Variants in BANK1 observed in about 807,000 individuals in gnomAD.
The protein encoded by BANK1 is B cell scaffold protein with ankyrin repeats 1.
In BANK1, 95 loss-of-function variants were observed where a neutral mutation model predicts 94.5. The observed-to-expected ratio is 1.00, with a 90% CI of 0.85 to 1.19. The LOEUF (loss-of-function observed/expected upper bound fraction) is 1.19. Ranked by LOEUF, BANK1 falls within the 50% of genes most tolerant of loss-of-function variation. The pLI is 0.00. For synonymous variants in BANK1, 334 were observed against 308.4 expected (o/e 1.08, Z -0.87); for missense variants, 987 against 932.2 (o/e 1.06, Z -0.77).
At chr4:102,023,957 T>G (rs771512134) in intron 8 of BANK1, among the ~76,000 whole-genome samples, 4 of 152,130 alleles carry the variant, frequency 2.6e-5, no homozygotes, top group Non-Finnish European at 5.9e-5. Flanking sequence ...GATAGAAAAA[T>G]GAATGAGATC....
At chr4:101,892,231 G>A (rs1240648016) in intron 5 of BANK1, among the ~76,000 whole-genome samples, 1 of 150,602 alleles carries the variant, frequency 6.6e-6, no homozygotes, top group African/African-American at 2.4e-5. Context: ...GGAAGAAATA[G>A]TTATAATAAT....
chr4:101,827,854 C>G (rs757488975), intron 1 of BANK1, among the ~76,000 whole-genome samples: 1 of 151,550 alleles, frequency 6.6e-6, no homozygotes, highest in Non-Finnish European at 1.5e-5. Context: ...TTTTTTTATT[C>G]CTTTGCATAT....
chr4:101,907,286 A>T (rs904916994), intron 6 of BANK1, among the ~76,000 whole-genome samples: 3 of 152,250 alleles, frequency 2.0e-5, no homozygotes, highest in African/African-American at 7.2e-5. Context: ...GCATATAAAC[A>T]GAACCAAAGA....
At chr4:101,928,672 T>C (rs1723242230) in intron 7 of BANK1, among the ~76,000 whole-genome samples, 1 of 151,708 alleles carries the variant, frequency 6.6e-6, no homozygotes. Flanking sequence ...GGTAACTGCA[T>C]AGACTTATAT....
intron 1 of BANK1, among the ~76,000 whole-genome samples, chr4:101,797,901 T>C (rs1382144597): frequency 2.6e-5 from 4 of 152,112 alleles, no homozygotes; most frequent in African/African-American, 7.2e-5. Flanking sequence ...CAACAATGAA[T>C]AGGATAACAT....
At chr4:101,986,865 A>ATATATATGTATATATATG (rs1408766213) in intron 7 of BANK1, among the ~76,000 whole-genome samples, 5 of 10,978 alleles carry the variant, frequency 4.6e-4, no homozygotes, top group Admixed American at 1.4e-3. Flanking sequence ...GTATATATAT[A>ATATATATGTATATATATG]TGTGTGTATG....
At chr4:101,980,093 C>A (rs1310387672) in intron 7 of BANK1, among the ~76,000 whole-genome samples, 1 of 151,320 alleles carries the variant, frequency 6.6e-6, no homozygotes, top group Non-Finnish European at 1.5e-5. Context: ...TCTTATTTTT[C>A]TTTTGAGTTT....
intron 7 of BANK1, among the ~76,000 whole-genome samples, chr4:101,995,458 C>T (rs940590037): frequency 2.0e-5 from 3 of 152,130 alleles, no homozygotes; most frequent in Non-Finnish European, 4.4e-5. Flanking sequence ...TGGGTATATA[C>T]CCAGTAATGG....
chr4:102,052,109 T>C (rs973690622), intron 11 of BANK1, among the ~76,000 whole-genome samples: 1 of 130,260 alleles, frequency 7.7e-6, no homozygotes, highest in Non-Finnish European at 1.6e-5. Flanking sequence ...TGTGTTCTTT[T>C]TTTCTTTTTT....
chr4:102,036,509 T>C (rs949298205), intron 10 of BANK1, among the ~76,000 whole-genome samples: 19 of 152,198 alleles, frequency 1.2e-4, no homozygotes, highest in African/African-American at 4.3e-4. Context: ...GGTGACCTTG[T>C]CCAAACCATT....
Position 101,875,620 on chromosome 4 carries a change from C to A in BANK1, c.903+4976C>A, listed in dbSNP as rs557187965. Among the ~76,000 whole-genome samples, 9 of 152,180 alleles carry A rather than the reference C, an allele frequency of 5.9e-5. No homozygotes were observed. The South Asian group carries it at 1.9e-3, about 32-fold the overall frequency. On this transcript the variant is annotated intron_variant, in intron 5 of 16. Coordinates refer to ENST00000322953, the MANE Select transcript of BANK1 (RefSeq NM_017935.5). ...CAATCACCTCCCACCAGGGTCCCCC[C>A]CTAGATACATGGGGATTACAATTCA...
intron 9 of BANK1, 110 bp downstream of exon 9, chr4:102,025,619 A>G (rs1446228585): frequency 2.0e-6 from 2 of 978,198 alleles, no homozygotes; most frequent in African/African-American, 3.3e-5. Flanking sequence ...AGCTTTTGAA[A>G]CCAATAGCAA....
intron 1 of BANK1, among the ~76,000 whole-genome samples, chr4:101,798,864 C>T (rs1168244437): frequency 1.3e-5 from 2 of 152,122 alleles, no homozygotes; most frequent in African/African-American, 4.8e-5. Context: ...GATATTAGCC[C>T]TTTGTCAGAT....
chr4:102,033,413 G>A (rs1021257887), intron 10 of BANK1, among the ~76,000 whole-genome samples: 7 of 152,030 alleles, frequency 4.6e-5, no homozygotes, highest in African/African-American at 1.7e-4. Flanking sequence ...TTATTTATTA[G>A]TTACATAAAC....
intron 6 of BANK1, among the ~76,000 whole-genome samples, chr4:101,909,506 C>T (rs1722584885): frequency 6.6e-6 from 1 of 152,132 alleles, no homozygotes; most frequent in African/African-American, 2.4e-5. Context: ...CAAACCTGCA[C>T]GTTGTGCACA....
At chr4:101,837,321 G>A (rs1205648391) in intron 2 of BANK1, among the ~76,000 whole-genome samples, 1 of 152,084 alleles carries the variant, frequency 6.6e-6, no homozygotes, top group Non-Finnish European at 1.5e-5. Context: ...AAGATTCAGG[G>A]ATTGAATACT....
intron 11 of BANK1, among the ~76,000 whole-genome samples, chr4:102,046,616 T>C (rs1357790590): frequency 6.6e-6 from 1 of 152,134 alleles, no homozygotes; most frequent in Non-Finnish European, 1.5e-5. Flanking sequence ...TAAATGCCAA[T>C]CAAAGACTGC....
intron 7 of BANK1, among the ~76,000 whole-genome samples, chr4:101,986,785 GTGTGTATATATA>G (rs1560667972): frequency 1.3e-5 from 1 of 78,846 alleles, no homozygotes; most frequent in Non-Finnish European, 3.3e-5. Flanking sequence ...AATTATATAT[GTGTGTATATATA>G]TGTGTATATA....
intron 5 of BANK1, among the ~76,000 whole-genome samples, chr4:101,887,317 C>T (rs766166228): frequency 3.3e-5 from 5 of 152,082 alleles, no homozygotes; most frequent in African/African-American, 7.2e-5. Flanking sequence ...AAAAGTTATG[C>T]GTTATTTAAT....
Sources: allele counts gnomAD v4.1 joint callset (sites outside exome capture counted in the v4.1 genomes callset), GRCh38; gene constraint gnomAD v4.1.1; transcripts MANE v1.5; gene names NCBI Gene and HGNC (gene_info 2026-07-23, HGNC 2026-07-21).